SCN2A: variants seen among roughly 807,000 people sequenced by gnomAD.
SCN2A encodes the protein sodium channel protein type 2 subunit alpha.
In SCN2A, 20 loss-of-function variants were observed where a neutral mutation model predicts 188.7. The observed-to-expected ratio is 0.11, with a 90% CI of 0.07 to 0.15. SCN2A has a LOEUF of 0.15. SCN2A is among the 10% of genes least tolerant of loss of function. The pLI is 1.00. For missense variants in SCN2A, 1,278 were observed against 2,445.0 expected (o/e 0.52, Z 10.07); for synonymous variants, 804 against 833.1 (o/e 0.97, Z 0.60).
chr2:165,279,873 G>A (rs1364916224), intron 1 of SCN2A, among the ~76,000 whole-genome samples: 3 of 152,152 alleles, frequency 2.0e-5, no homozygotes, highest in African/African-American at 2.4e-5. Flanking sequence ...ATGTGGGCAG[G>A]TGTCTCCCGT....
chr2:165,341,385 G>A (rs1346908730), intron 14 of SCN2A, among the ~76,000 whole-genome samples: 5 of 152,168 alleles, frequency 3.3e-5, no homozygotes, highest in South Asian at 2.1e-4. Context: ...GAGCCACCGC[G>A]CCCGGCCCAC....
Position 165,368,424 on chromosome 2 carries a change from G to A in SCN2A, c.3675+1053G>A, listed in dbSNP as rs565699575. ...GATGTATATTCTCACTTTGGGCCAC[G>A]GTTCCAGGCTTGAGGGTGGAGCCCT... On this transcript the variant is annotated intron_variant, in intron 19 of 26. Coordinates refer to ENST00000375437, the MANE Select transcript of SCN2A (RefSeq NM_001040142.2). 5.9e-5 allele frequency among the ~76,000 whole-genome samples: 9 copies of A among 152,230 alleles called. No individual in the cohort carries two copies. In the East Asian group the frequency reaches 1.4e-3, roughly 23 times the overall value.
At chr2:165,293,948 C>A in intron 1 of SCN2A, 1 of 959,296 alleles carries the variant, frequency 1.0e-6, no homozygotes, top group Non-Finnish European at 1.2e-6. Flanking sequence ...GGAAATGCCT[C>A]TTCTTACTTC....
rs1244980836 is a variant in SCN2A, at chr2:165,377,484, T to G, written c.4255-113T>G. The G allele has an allele frequency of 3.4e-6, 3 of 871,466 alleles. No individual in the cohort carries two copies. In the East Asian group the frequency reaches 8.2e-5, roughly 24 times the overall value. The allele number at this position is 871,466 out of a possible 1,614,324, so 54.0% of individuals were successfully genotyped here. ...CAAAAGTGAATACAAATTTCAAGCT[T>G]ATTTATATGCCTGTATTGAATACAT... On this transcript the variant is annotated intron_variant, in intron 22 of 26. Coordinates refer to ENST00000375437, the MANE Select transcript of SCN2A (RefSeq NM_001040142.2).
Position 165,315,529 on chromosome 2 carries a change from G to C in SCN2A, c.1442G>C (p.Gly481Ala). Reference sequence around the variant, plus strand: ...GACTTCAGTGGTGCTGGTGGGATAGGAGTTTTTTCAGAGAGTTCTTCAGTA... The same window carrying C: ...GACTTCAGTGGTGCTGGTGGGATAGCAGTTTTTTCAGAGAGTTCTTCAGTA... ...SRDFSGAGGI[G>A]VFSESSSVAS... Residue 481 changes from glycine (G) to alanine (A), a missense_variant, in exon 11 of 27, where the codon GGA becomes GCA. Gly to Ala is a moderately conservative substitution (Grantham distance 60). This residue lies in a region of SCN2A where 315 missense variants were observed against 386.6 expected (regional missense o/e 0.81). Coordinates refer to ENST00000375437, the MANE Select transcript of SCN2A (RefSeq NM_001040142.2). 6.2e-7 allele frequency: 1 copy of C among 1,614,002 alleles called. No individual in the cohort carries two copies. The highest frequency in any genetic ancestry group is 8.5e-7 in the Non-Finnish European group (1 of 1,179,926).
chr2:165,257,758 G>A (rs1310179684), intron 1 of SCN2A, among the ~76,000 whole-genome samples: 3 of 152,006 alleles, frequency 2.0e-5, no homozygotes, highest in Non-Finnish European at 2.9e-5. Context: ...GGGTGGTCTC[G>A]AACTCCTGGC....
At chr2:165,269,398 A>G (rs1695010025) in intron 1 of SCN2A, 1 of 152,092 alleles carries the variant, frequency 6.6e-6, no homozygotes, top group South Asian at 2.1e-4. Flanking sequence ...ATGGTGGTCA[A>G]GAACTTGGAC....
intron 1 of SCN2A, chr2:165,266,611 T>A (rs1026101562): frequency 3.9e-5 from 6 of 152,144 alleles, no homozygotes; most frequent in African/African-American, 1.4e-4. Flanking sequence ...ACTGCTTAGA[T>A]CATTTTCTTA....
At chr2:165,273,231 A>G (rs1695181688) in intron 1 of SCN2A, 1 of 152,208 alleles carries the variant, frequency 6.6e-6, no homozygotes, top group African/African-American at 2.4e-5. Flanking sequence ...ATTGATAGAA[A>G]TTATAACTAA....
intron 1 of SCN2A, among the ~76,000 whole-genome samples, chr2:165,244,891 T>C (rs1407270993): frequency 6.6e-6 from 1 of 152,190 alleles, no homozygotes; most frequent in Non-Finnish European, 1.5e-5. Flanking sequence ...TCTTGTGTTG[T>C]GTGATATGTA....
chr2:165,309,086 A>T (rs2105244242), intron 5 of SCN2A: 1 of 1,474,668 alleles, frequency 6.8e-7, no homozygotes, highest in East Asian at 2.3e-5. Flanking sequence ...ACACTCATGA[A>T]ATTAAAAAGG....
chr2:165,388,347 A>G (rs759612175), intron 26 of SCN2A, among the ~76,000 whole-genome samples: 1 of 152,152 alleles, frequency 6.6e-6, no homozygotes, highest in Non-Finnish European at 1.5e-5. Flanking sequence ...TGTATGCTTC[A>G]TGATGTCTTT....
intron 1 of SCN2A, among the ~76,000 whole-genome samples, chr2:165,279,868 G>C (rs1308321428): frequency 6.6e-6 from 1 of 152,152 alleles, no homozygotes; most frequent in Non-Finnish European, 1.5e-5. Context: ...GAATCATGTG[G>C]GCAGGTGTCT....
At chr2:165,327,841 T>C (rs1333962930) in intron 13 of SCN2A, 2 of 152,212 alleles carry the variant, frequency 1.3e-5, no homozygotes, top group African/African-American at 4.8e-5. Flanking sequence ...TGTAAGTGAA[T>C]TCAAACAACT....
chr2:165,324,060 G>A (rs541759246), intron 12 of SCN2A, among the ~76,000 whole-genome samples: 4 of 152,196 alleles, frequency 2.6e-5, no homozygotes, highest in African/African-American at 9.6e-5. Context: ...TACCTGGTTT[G>A]GAATCATGGG....
intron 14 of SCN2A, among the ~76,000 whole-genome samples, chr2:165,337,052 T>C (rs1002473575): frequency 1.3e-5 from 2 of 151,790 alleles, no homozygotes; most frequent in African/African-American, 2.4e-5. Context: ...ATTGTAAATA[T>C]GTTGAGCAAT....
At chr2:165,249,532 G>C (rs748214501) in intron 1 of SCN2A, among the ~76,000 whole-genome samples, 3 of 151,964 alleles carry the variant, frequency 2.0e-5, no homozygotes, top group Non-Finnish European at 4.4e-5. Flanking sequence ...TTAGAAGCAC[G>C]CCTTAGCTTA....
chr2:165,292,995 G>C (rs1029774944), intron 1 of SCN2A, among the ~76,000 whole-genome samples: 1 of 152,092 alleles, frequency 6.6e-6, no homozygotes, highest in Non-Finnish European at 1.5e-5. Context: ...CTTTTTTCTG[G>C]TTGCTTTTTA....
chr2:165,338,545 C>T lies in SCN2A; in HGVS notation c.2389-3751C>T, dbSNP rs201263353. 4.6e-5 allele frequency among the ~76,000 whole-genome samples: 7 copies of T among 152,096 alleles called. No homozygotes were observed. The East Asian group carries it at 1.4e-3, about 29-fold the overall frequency. On this transcript the variant is annotated intron_variant, in intron 14 of 26. Coordinates refer to ENST00000375437, the MANE Select transcript of SCN2A (RefSeq NM_001040142.2). ...AAAGTGCTGGGATTACAGGCATGAG[C>T]CACCACGCCGGGCCAGAACATTTTA...
Sources: allele counts gnomAD v4.1 joint callset (sites outside exome capture counted in the v4.1 genomes callset), GRCh38; gene constraint gnomAD v4.1.1; regional missense constraint gnomAD v4.1.1; transcripts MANE v1.5; gene names NCBI Gene and HGNC (gene_info 2026-07-23, HGNC 2026-07-21).